Variants in ASIC2 observed in about 807,000 individuals in gnomAD.
ASIC2 encodes the protein acid sensing ion channel subunit 2.
Under a neutral mutation model 57.3 loss-of-function variants are expected in ASIC2, and 25 were observed. The observed-to-expected ratio is 0.44, with a 90% CI of 0.32 to 0.61. ASIC2 has a LOEUF of 0.61. Among genes scored for constraint, ASIC2 ranks in the 20% least tolerant of loss-of-function variants. The probability of loss-of-function intolerance (pLI) is 0.06; values close to 1 mark genes in which losing one functional copy is unlikely to be tolerated. For missense variants in ASIC2, 641 were observed against 738.1 expected, an observed-to-expected ratio of 0.87 and a Z score of 1.52; for synonymous variants, 319 against 307.5, an observed-to-expected ratio of 1.04 and a Z score of -0.39.
At chr17:34,141,503 C>G (rs974577651) in intron 1 of ASIC2, among the ~76,000 whole-genome samples, 1 of 152,170 alleles carries the variant, frequency 6.6e-6, no homozygotes, top group African/African-American at 2.4e-5. Flanking sequence ...GTAAAGTAAT[C>G]TTTTATTTAC....
At chr17:33,111,287 T>A (rs963518065) in intron 2 of ASIC2, among the ~76,000 whole-genome samples, 16 of 152,232 alleles carry the variant, frequency 1.1e-4, no homozygotes, top group Non-Finnish European at 2.9e-5. Flanking sequence ...TTGATCTTTT[T>A]CACCATAATG....
At chr17:33,021,758 G>A (rs1000181285) in intron 6 of ASIC2, among the ~76,000 whole-genome samples, 1 of 152,210 alleles carries the variant, frequency 6.6e-6, no homozygotes, top group Non-Finnish European at 1.5e-5. Context: ...TTTATAACAA[G>A]CTCCTCCTGT....
At chr17:33,651,853 A>G (rs185458175) in intron 1 of ASIC2, among the ~76,000 whole-genome samples, 15 of 152,306 alleles carry the variant, frequency 9.8e-5, no homozygotes, top group Admixed American at 2.0e-4. Flanking sequence ...AGGATGTGAC[A>G]AAAGAGAGTG....
rs1268698206 is a variant in ASIC2, at chr17:34,040,202, G to A, written c.555+115776C>T. ...GGGAGGCGCAGGAGGGCCCAGGCCA[G>A]GTCAGGAGGTGGGGGCCCGCTCGGC... On this transcript the variant is annotated intron_variant, in intron 1 of 9. Coordinates refer to the ASIC2 transcript ENST00000359872. 4.3e-5 allele frequency among the ~76,000 whole-genome samples: 6 copies of A among 140,282 alleles called. No homozygotes were observed. In the South Asian group the frequency reaches 1.3e-3, roughly 31 times the overall value. 92.0% of individuals were successfully genotyped at this position (140,282 alleles called of 152,430 possible). A position where few individuals can be genotyped will look rare whatever the true frequency, so the allele number is the denominator to read the frequency against.
rs189378442 is a variant in ASIC2, at chr17:33,969,662, C to T, written c.555+186316G>A. ...CTGCAGAGTTGTCTCACCCGAGGGA[C>T]GGGAGCTGTACCTATTCTCCAGCTC... On this transcript the variant is annotated intron_variant, in intron 1 of 9. Transcript: ENST00000359872. 3.5e-4 allele frequency among the ~76,000 whole-genome samples: 54 copies of T among 152,264 alleles called. No individual in the cohort carries two copies. In the East Asian group the frequency reaches 8.1e-3, roughly 23 times the overall value.
chr17:33,996,764 T>C (rs1906174352), intron 1 of ASIC2, among the ~76,000 whole-genome samples: 1 of 152,258 alleles, frequency 6.6e-6, no homozygotes, highest in African/African-American at 2.4e-5. Flanking sequence ...TATAGCTTTG[T>C]AGCATATTTT....
At chr17:34,037,380 C>G (rs571483722) in intron 1 of ASIC2, 1 of 452,186 alleles carries the variant, frequency 2.2e-6, no homozygotes, top group Non-Finnish European at 3.9e-6. Flanking sequence ...ACACAGTGGC[C>G]GTTGACGCTG....
chr17:33,560,300 C>T (rs1259576835), intron 1 of ASIC2, among the ~76,000 whole-genome samples: 2 of 152,214 alleles, frequency 1.3e-5, no homozygotes, highest in African/African-American at 4.8e-5. Flanking sequence ...TGTTGACGTC[C>T]TCCCTGATCA....
At chr17:33,930,917 G>GTTTA (rs1915917645) in intron 1 of ASIC2, among the ~76,000 whole-genome samples, 1 of 152,130 alleles carries the variant, frequency 6.6e-6, no homozygotes. Flanking sequence ...TTGTTTGTTT[G>GTTTA]TTTGTTTATT....
chr17:33,791,566 A>G (rs75953436), intron 1 of ASIC2, among the ~76,000 whole-genome samples: 6,447 of 152,224 alleles, frequency 0.042, 170 homozygotes, highest in Middle Eastern at 0.092. Context: ...TTGACATTTC[A>G]CAGGCAGGAA....
intron 1 of ASIC2, among the ~76,000 whole-genome samples, chr17:33,638,934 C>T (rs1300500789): frequency 6.6e-6 from 1 of 152,046 alleles, no homozygotes; most frequent in Non-Finnish European, 1.5e-5. Flanking sequence ...AGTTCTCTGG[C>T]AGGACTGCAC....
intron 1 of ASIC2, among the ~76,000 whole-genome samples, chr17:33,791,383 T>C (rs749652470): frequency 1.3e-5 from 2 of 151,964 alleles, no homozygotes; most frequent in Non-Finnish European, 2.9e-5. Flanking sequence ...GGCTATCAGG[T>C]TGGTAATGCC....
intron 1 of ASIC2, among the ~76,000 whole-genome samples, chr17:34,065,711 A>C (rs371434860): frequency 1.3e-5 from 2 of 152,154 alleles, no homozygotes; most frequent in Non-Finnish European, 2.9e-5. Flanking sequence ...TGATCATTGC[A>C]TTCTGAGGAA....
intron 1 of ASIC2, among the ~76,000 whole-genome samples, chr17:33,388,923 G>A (rs562434319): frequency 6.6e-6 from 1 of 152,290 alleles, no homozygotes; most frequent in South Asian, 2.1e-4. Flanking sequence ...CAGCAGCCCT[G>A]AGCTCAGGAG....
At chr17:33,253,577 TC>T (rs1908957310) in intron 1 of ASIC2, among the ~76,000 whole-genome samples, 1 of 152,228 alleles carries the variant, frequency 6.6e-6, no homozygotes, top group African/African-American at 2.4e-5. Context: ...AACAAAGGTT[TC>T]TGCCTCTGCA....
chr17:33,385,146 G>C (rs1393076127), intron 1 of ASIC2, among the ~76,000 whole-genome samples: 1 of 152,208 alleles, frequency 6.6e-6, no homozygotes, highest in African/African-American at 2.4e-5. Flanking sequence ...GAAGAACTTA[G>C]CAAAATGTTA....
At chr17:33,753,749 T>C (rs1320217735) in intron 1 of ASIC2, among the ~76,000 whole-genome samples, 2 of 152,224 alleles carry the variant, frequency 1.3e-5, no homozygotes, top group Admixed American at 6.5e-5. Context: ...GTTTGAAGTA[T>C]GGCTACTGGG....
At chr17:33,733,328 T>C (rs1909804837) in intron 1 of ASIC2, among the ~76,000 whole-genome samples, 2 of 152,336 alleles carry the variant, frequency 1.3e-5, no homozygotes, top group East Asian at 1.9e-4. Flanking sequence ...TGGTATCTGG[T>C]GAAGCCCCCA....
chr17:33,807,804 C>A (rs746393892), intron 1 of ASIC2, among the ~76,000 whole-genome samples: 5 of 152,222 alleles, frequency 3.3e-5, no homozygotes, highest in Non-Finnish European at 7.3e-5. Flanking sequence ...TGATGTGGAG[C>A]ATATTTTTAT....
Sources: allele counts gnomAD v4.1 joint callset (sites outside exome capture counted in the v4.1 genomes callset), GRCh38; gene constraint gnomAD v4.1.1; transcripts MANE v1.5; gene names NCBI Gene and HGNC (gene_info 2026-07-23, HGNC 2026-07-21).